Variants in PAX7 observed in about 807,000 individuals in gnomAD.
PAX7 encodes the protein paired box 7.
PAX7 carries 18 observed loss-of-function variants against 50.7 expected under a neutral mutation model. The ratio of observed to expected loss-of-function variants is 0.36; its 90% CI spans 0.25 to 0.53. PAX7 has a LOEUF of 0.53. PAX7 is among the 20% of genes least tolerant of loss of function. The pLI, the probability that PAX7 is intolerant of heterozygous loss-of-function variation, is 0.93. For synonymous variants in PAX7, 310 were observed against 290.4 expected, an observed-to-expected ratio of 1.07 and a Z score of -0.69; for missense variants, 644 against 702.9, an observed-to-expected ratio of 0.92 and a Z score of 0.95.
intron 7 of PAX7, among the ~76,000 whole-genome samples, chr1:18,728,367 C>T (rs1287436010): frequency 6.6e-6 from 1 of 151,764 alleles, no homozygotes; most frequent in East Asian, 1.9e-4. Context: ...GCACGGGTGT[C>T]TGGGTGTGTG....
At chr1:18,677,397 T>A (rs1355049049) in intron 4 of PAX7, among the ~76,000 whole-genome samples, 1 of 152,150 alleles carries the variant, frequency 6.6e-6, no homozygotes, top group Non-Finnish European at 1.5e-5. Context: ...AGAGTGGGTC[T>A]CTTTCATGGT....
chr1:18,648,583 T>A (rs2088383209), intron 4 of PAX7, among the ~76,000 whole-genome samples: 1 of 152,164 alleles, frequency 6.6e-6, no homozygotes, highest in African/African-American at 2.4e-5. Flanking sequence ...ACTCAAGCGA[T>A]CCTCCCATCT....
At chr1:18,661,194 T>C (rs940455329) in intron 4 of PAX7, among the ~76,000 whole-genome samples, 25 of 152,002 alleles carry the variant, frequency 1.6e-4, no homozygotes, top group Non-Finnish European at 2.9e-5. Flanking sequence ...CCCCCTTGCT[T>C]GGTGGGGTAG....
Position 18,701,361 on chromosome 1 carries a change from C to T in PAX7, c.952+543C>T, listed in dbSNP as rs563159904. 1.5e-4 allele frequency among the ~76,000 whole-genome samples: 22 copies of T among 151,180 alleles called. No individual in the cohort carries two copies. In the South Asian group the frequency reaches 3.8e-3, roughly 26 times the overall value. On this transcript the variant is annotated intron_variant, in intron 6 of 8. Coordinates refer to ENST00000420770, the MANE Select transcript of PAX7 (RefSeq NM_001135254.2). ...GTGCGTGTGAGTGCATGAGTGTGTG[C>T]GTATGAGTGAGTGAATGAGTGTGTG...
At chr1:18,648,002 T>C (rs2088372898) in intron 4 of PAX7, among the ~76,000 whole-genome samples, 1 of 152,168 alleles carries the variant, frequency 6.6e-6, no homozygotes, top group South Asian at 2.1e-4. Context: ...TGGAGCCCAG[T>C]AGACACTGTT....
intron 8 of PAX7, among the ~76,000 whole-genome samples, chr1:18,737,587 C>T (rs1930848345): frequency 6.6e-6 from 1 of 152,248 alleles, no homozygotes; most frequent in South Asian, 2.1e-4. Flanking sequence ...TTATTGCATG[C>T]ATCTTTGCAT....
chr1:18,684,972 G>A (rs1234311187), intron 4 of PAX7, among the ~76,000 whole-genome samples: 1 of 152,178 alleles, frequency 6.6e-6, no homozygotes, highest in Admixed American at 6.5e-5. Context: ...GGTAGATTCA[G>A]AGATTGTGGC....
At chr1:18,645,932 C>G (rs1020284188) in intron 4 of PAX7, among the ~76,000 whole-genome samples, 1 of 152,236 alleles carries the variant, frequency 6.6e-6, no homozygotes, top group African/African-American at 2.4e-5. Flanking sequence ...AAGGCGCTTT[C>G]CCCCGCCTCC....
At chr1:18,663,051 G>A (rs773323868) in intron 4 of PAX7, among the ~76,000 whole-genome samples, 3 of 152,150 alleles carry the variant, frequency 2.0e-5, no homozygotes, top group Admixed American at 6.5e-5. Flanking sequence ...ACAGAGAAAC[G>A]GCACATCTAT....
chr1:18,725,310 C>CG (rs1444712540), intron 7 of PAX7, among the ~76,000 whole-genome samples: 6 of 45,278 alleles, frequency 1.3e-4, no homozygotes, highest in Non-Finnish European at 2.4e-4. Flanking sequence ...ACGCCCCCCC[C>CG]CCGCCCCACC....
At chr1:18,654,202 C>T (rs547962125) in intron 4 of PAX7, among the ~76,000 whole-genome samples, 10 of 151,958 alleles carry the variant, frequency 6.6e-5, no homozygotes, top group Non-Finnish European at 1.0e-4. Context: ...GCCCTCCCCC[C>T]ACCCGCCAGC....
chr1:18,664,389 A>G (rs959000286), intron 4 of PAX7, among the ~76,000 whole-genome samples: 1 of 152,130 alleles, frequency 6.6e-6, no homozygotes, highest in Admixed American at 6.5e-5. Flanking sequence ...AACCTCGGGG[A>G]GGCCGGGAGG....
rs528633995 is a variant in PAX7 at position 18,635,289 on chromosome 1, G to T, written c.451+49G>T. ...GAGCTGGCCCAGAGTGTGGCCAGGG[G>T]TCCAGTGTGGAGGGCTGGAGGTGGG... On this transcript the variant is annotated intron_variant, in intron 3 of 8. Transcript: ENST00000420770. The T allele has an allele frequency of 1.0e-4, 163 of 1,605,708 alleles. 1 individual carries two copies. The South Asian group carries it at 1.7e-3, about 17-fold the overall frequency.
chr1:18,748,311 A>G lies in PAX7; in HGVS notation c.*3382A>G, dbSNP rs1931530695. On this transcript the variant is annotated 3_prime_UTR_variant, in exon 9 of 9. Transcript: ENST00000420770. Reference sequence around the variant, plus strand: ...GGGCCTCAGTGACACTCCATCACCCAACTAAAAAGATGTTCTCTGGGACCT... The same window carrying G: ...GGGCCTCAGTGACACTCCATCACCCGACTAAAAAGATGTTCTCTGGGACCT... 8.8e-6 allele frequency: 2 copies of G among 227,770 alleles called. No individual in the cohort carries two copies. The highest frequency in any genetic ancestry group is 4.4e-5 in the African/African-American group (2 of 45,000). The allele number at this position is 227,770 out of a possible 1,614,324, so 14.1% of individuals were successfully genotyped here. A position where few individuals can be genotyped will look rare whatever the true frequency, so the allele number is the denominator to read the frequency against.
In PAX7 at chr1:18,653,194, T is replaced by G. The variant is rs377010442; in HGVS notation, c.586+16823T>G. Reference sequence around the variant, plus strand: ...ATTTGCTGGGTTTTTTTCATTTTTTTTTTTCATTTCTTTTTTTTTTACACG... The same window carrying G: ...ATTTGCTGGGTTTTTTTCATTTTTTGTTTTCATTTCTTTTTTTTTTACACG... On this transcript the variant is annotated intron_variant, in intron 4 of 8. Transcript: ENST00000420770. 8.6e-3 allele frequency among the ~76,000 whole-genome samples: 1,303 copies of G among 152,296 alleles called. 14 individuals carry two copies. The highest frequency in any genetic ancestry group is 0.027 in the African/African-American group (1,134 of 41,522).
intron 7 of PAX7, among the ~76,000 whole-genome samples, chr1:18,703,565 G>C (rs2089250183): frequency 6.6e-6 from 1 of 152,224 alleles, no homozygotes; most frequent in East Asian, 1.9e-4. Context: ...ACCCTGATTG[G>C]TCAATGGAAT....
chr1:18,670,705 G>A (rs1298456424), intron 4 of PAX7, among the ~76,000 whole-genome samples: 1 of 152,180 alleles, frequency 6.6e-6, no homozygotes, highest in Non-Finnish European at 1.5e-5. Flanking sequence ...CTGGTCAGAG[G>A]GTGCCAGCCA....
intron 8 of PAX7, among the ~76,000 whole-genome samples, chr1:18,741,584 A>G (rs1353067825): frequency 6.6e-6 from 1 of 152,178 alleles, no homozygotes; most frequent in Non-Finnish European, 1.5e-5. Context: ...CCCCAAAAAT[A>G]TGTGCAAATA....
At chr1:18,666,153 C>T (rs550476160) in intron 4 of PAX7, among the ~76,000 whole-genome samples, 2 of 152,316 alleles carry the variant, frequency 1.3e-5, no homozygotes, top group South Asian at 4.1e-4. Flanking sequence ...AATAAGACTG[C>T]ATCTCAATAA....
Sources: gnomAD v4.1 joint callset for allele counts (sites outside exome capture counted in the v4.1 genomes callset) on GRCh38, gnomAD v4.1.1 for gene constraint, MANE v1.5 for transcripts, NCBI Gene and HGNC (gene_info 2026-07-23, HGNC 2026-07-21) for gene names.